Variants in ANXA4 observed in about 807,000 individuals in gnomAD.
The protein encoded by ANXA4 is 35-beta calcimedin.
Under a neutral mutation model 49.8 loss-of-function variants are expected in ANXA4, and 39 were observed. The observed-to-expected ratio is 0.78, with a 90% confidence interval of 0.61 to 1.02. The LOEUF (loss-of-function observed/expected upper bound fraction) is 1.02, where lower values mean the gene tolerates loss of function less well. ANXA4 is among the 50% of genes least tolerant of loss of function. The pLI is 0.00. For missense variants in ANXA4, 360 were observed against 410.1 expected (o/e 0.88, Z 1.05); for synonymous variants, 134 against 152.5 (o/e 0.88, Z 0.89).
At chr2:69,702,995 C>T (rs1228252020) in intron 2 of ANXA4, among the ~76,000 whole-genome samples, 3 of 152,124 alleles carry the variant, frequency 2.0e-5, no homozygotes, top group African/African-American at 7.2e-5. Context: ...AAAAACCATT[C>T]ATTAAATTCA....
chr2:69,794,507 ATTATG>A (rs1311469235), intron 3 of ANXA4, among the ~76,000 whole-genome samples: 10 of 79,928 alleles, frequency 1.3e-4, no homozygotes, highest in African/African-American at 5.5e-4. Context: ...GTTATGTTAT[ATTATG>A]TTATGTTATA....
chr2:69,748,512 ACTAT>A (rs1670712172), intron 1 of ANXA4, among the ~76,000 whole-genome samples: 1 of 150,510 alleles, frequency 6.6e-6, no homozygotes, highest in Non-Finnish European at 1.5e-5. Context: ...TAAAATTATA[ACTAT>A]CTTTTATAAA....
At chr2:69,712,003 G>A (rs182576442) in intron 2 of ANXA4, among the ~76,000 whole-genome samples, 200 of 152,128 alleles carry the variant, frequency 1.3e-3, no homozygotes, top group African/African-American at 4.8e-3. Flanking sequence ...TGTATGTGTT[G>A]CCTATTTTGT....
chr2:69,762,732 G>A (rs1326068374), intron 1 of ANXA4, among the ~76,000 whole-genome samples: 1 of 152,120 alleles, frequency 6.6e-6, no homozygotes, highest in African/African-American at 2.4e-5. Context: ...TGGATGAGGA[G>A]GGCCAGCTAT....
chr2:69,651,652 A>G (rs1169635971), intron 1 of ANXA4, among the ~76,000 whole-genome samples: 2 of 151,404 alleles, frequency 1.3e-5, no homozygotes, highest in African/African-American at 2.4e-5. Flanking sequence ...ACAGGCTCCC[A>G]CCACCACGCC....
chr2:69,791,439 T>C (rs1228682363), intron 3 of ANXA4, among the ~76,000 whole-genome samples: 1 of 152,250 alleles, frequency 6.6e-6, no homozygotes, highest in African/African-American at 2.4e-5. Flanking sequence ...AATTTAAGAA[T>C]ATTTATAACT....
At chr2:69,694,612 G>A (rs1023959998) in intron 2 of ANXA4, among the ~76,000 whole-genome samples, 1 of 146,670 alleles carries the variant, frequency 6.8e-6, no homozygotes, top group Non-Finnish European at 1.5e-5. Flanking sequence ...CTATGAGTGA[G>A]AACATGTGGT....
chr2:69,657,875 TTCTA>T (rs1676563791), intron 2 of ANXA4, among the ~76,000 whole-genome samples: 1 of 152,208 alleles, frequency 6.6e-6, no homozygotes, highest in Non-Finnish European at 1.5e-5. Context: ...TGTTCACTAA[TTCTA>T]TCAATTCCAT....
At chr2:69,779,495 C>T (rs984888492) in intron 1 of ANXA4, among the ~76,000 whole-genome samples, 1 of 152,156 alleles carries the variant, frequency 6.6e-6, no homozygotes, top group African/African-American at 2.4e-5. Flanking sequence ...CCCCATATAT[C>T]ATATTCCAGT....
intron 3 of ANXA4, among the ~76,000 whole-genome samples, chr2:69,799,928 T>G (rs568389468): frequency 6.6e-6 from 1 of 152,344 alleles, no homozygotes; most frequent in African/African-American, 2.4e-5. Flanking sequence ...TTTATTAAGC[T>G]CTACTATGTG....
At chr2:69,787,802 C>T (rs1672478541) in intron 2 of ANXA4, among the ~76,000 whole-genome samples, 1 of 152,258 alleles carries the variant, frequency 6.6e-6, no homozygotes, top group Non-Finnish European at 1.5e-5. Flanking sequence ...TCTCTATCTG[C>T]TTCACAGCAA....
intron 2 of ANXA4, among the ~76,000 whole-genome samples, chr2:69,669,404 G>T (rs187014120): frequency 1.3e-5 from 2 of 150,380 alleles, no homozygotes; most frequent in African/African-American, 4.9e-5. Context: ...GAGGTCAGGA[G>T]TTTGAGACCA....
At chr2:69,696,073 G>T (rs1426971271) in intron 2 of ANXA4, among the ~76,000 whole-genome samples, 1 of 152,092 alleles carries the variant, frequency 6.6e-6, no homozygotes, top group Non-Finnish European at 1.5e-5. Context: ...GAAATTTGCC[G>T]CATTTATTGA....
rs979214544 is a variant in ANXA4, at chr2:69,824,363, C to T, written c.907-1093C>T. Among the ~76,000 whole-genome samples, 14 of 152,004 alleles carry T rather than the reference C, an allele frequency of 9.2e-5. No individual in the cohort carries two copies. In the East Asian group the frequency reaches 1.7e-3, roughly 19 times the overall value. ...ACTAAAAAAATAAAAATTAGCCAGG[C>T]GTGGTGGTGTGTACCTGTAGTGCCA... is the stretch of plus-strand genomic sequence containing the variant. On this transcript the variant is annotated intron_variant, in intron 12 of 12. Coordinates refer to ENST00000394295, the MANE Select transcript of ANXA4 (RefSeq NM_001153.5).
chr2:69,734,956 C>A (rs1253368401), intron 3 of ANXA4, among the ~76,000 whole-genome samples: 1 of 152,172 alleles, frequency 6.6e-6, no homozygotes, highest in Non-Finnish European at 1.5e-5. Flanking sequence ...GTCAACCCTG[C>A]CCAGTTCCAC....
rs865798673 is a variant in ANXA4, at chr2:69,806,427, G to A, written c.235G>A (p.Glu79Lys). 5 of 1,614,146 alleles carry A rather than the reference G, an allele frequency of 3.1e-6. No homozygotes were observed. The South Asian group carries it at 3.3e-5, about 11-fold the overall frequency. ...GAAGTCAGAACTGAGTGGCAACTTCGAGCAGGTGATTGTGGGGATGATGAC... is the reference window on the plus strand; with the variant it reads ...GAAGTCAGAACTGAGTGGCAACTTCAAGCAGGTGATTGTGGGGATGATGAC... ...DLKSELSGNF[E>K]QVIVGMMTPT... is the part of the protein sequence containing the mutation. Residue 79 changes from glutamate (E) to lysine (K), a missense_variant, in exon 5 of 13, where the codon GAG becomes AAG. Physicochemically the swap from Glu to Lys is moderately conservative, Grantham distance 56 (BLOSUM62 1). Transcript: ENST00000394295.
chr2:69,823,787 C>T (rs1432460383), intron 12 of ANXA4, among the ~76,000 whole-genome samples: 1 of 152,168 alleles, frequency 6.6e-6, no homozygotes, highest in Non-Finnish European at 1.5e-5. Context: ...TTTAATACAT[C>T]CTATGCTTTG....
rs972411115 is a variant in ANXA4, at chr2:69,825,594, A to G, written c.*79A>G. ...TTCATTTTTCTACACTGCTATTATC[A>G]TTATCTCAGAATGCTTATTTCCAAT... is the stretch of plus-strand genomic sequence containing the variant. On this transcript the variant is annotated 3_prime_UTR_variant, in exon 13 of 13. Coordinates refer to ENST00000394295, the MANE Select transcript of ANXA4 (RefSeq NM_001153.5). 1.2e-5 allele frequency: 13 copies of G among 1,059,598 alleles called. No individual in the cohort carries two copies. The East Asian group carries it at 2.9e-4, about 24-fold the overall frequency. The allele number at this position is 1,059,598 out of a possible 1,614,324, so 65.6% of individuals were successfully genotyped here.
chr2:69,723,246 A>G (rs1011198370), intron 3 of ANXA4, among the ~76,000 whole-genome samples: 1 of 151,858 alleles, frequency 6.6e-6, no homozygotes, highest in African/African-American at 2.4e-5. Context: ...ACACCAATGA[A>G]ATAGAAAACA....
Sources: allele counts gnomAD v4.1 joint callset (sites outside exome capture counted in the v4.1 genomes callset), GRCh38; gene constraint gnomAD v4.1.1; transcripts MANE v1.5; gene names NCBI Gene and HGNC (gene_info 2026-07-23, HGNC 2026-07-21).